The following BARD1 variants were observed in gnomAD, a reference collection of about 807,000 sequenced individuals.
The protein encoded by BARD1 is BRCA1-associated RING domain protein 1.
In BARD1, 73 loss-of-function variants were observed where a neutral mutation model predicts 77.0. The observed-to-expected ratio is 0.95, with a 90% CI of 0.79 to 1.15. BARD1 has a LOEUF of 1.15. BARD1 is among the 50% of genes most tolerant of loss of function. The pLI is 0.00. For missense variants in BARD1, 993 were observed against 938.8 expected (o/e 1.06, Z -0.75); for synonymous variants, 384 against 338.0 (o/e 1.14, Z -1.49).
chr2:214,789,042 AC>A (rs1400265677), intron 3 of BARD1, among the ~76,000 whole-genome samples: 1 of 152,160 alleles, frequency 6.6e-6, no homozygotes, highest in African/African-American at 2.4e-5. Context: ...AAAGCTCTAC[AC>A]CATGGAATTT....
intron 9 of BARD1, among the ~76,000 whole-genome samples, chr2:214,743,892 A>C (rs1692970115): frequency 6.6e-6 from 1 of 152,206 alleles, no homozygotes; most frequent in South Asian, 2.1e-4. Flanking sequence ...ACTTGTTTGC[A>C]TAATTTTATC....
At chr2:214,803,679 T>C (rs1696135488) in intron 1 of BARD1, among the ~76,000 whole-genome samples, 1 of 152,220 alleles carries the variant, frequency 6.6e-6, no homozygotes, top group Admixed American at 6.5e-5. Flanking sequence ...GAATGATCAA[T>C]AAATACTAAG....
rs1553615143 is a variant in BARD1, at chr2:214,745,797, A to C, written c.1735T>G (p.Ser579Ala). The C allele has an allele frequency of 3.7e-6, 6 of 1,613,908 alleles. No homozygotes were observed. In the African/African-American group the frequency reaches 8.0e-5, roughly 22 times the overall value. ...TCACTGAGCATTTTCTGTTGTTCTGAAGACAGCCCACTGCCTATAAGTACA... is the reference window on the plus strand; with the variant it reads ...TCACTGAGCATTTTCTGTTGTTCTGCAGACAGCCCACTGCCTATAAGTACA... ...PLVLIGSGLS[S>A]EQQKMLSELA... Residue 579 changes from serine (S) to alanine (A), a missense_variant, in exon 8 of 11, where the codon TCA (serine) becomes GCA (alanine). Coordinates refer to ENST00000260947, the MANE Select transcript of BARD1 (RefSeq NM_000465.4).
At chr2:214,805,432 T>C (rs1696224146) in intron 1 of BARD1, among the ~76,000 whole-genome samples, 1 of 152,192 alleles carries the variant, frequency 6.6e-6, no homozygotes, top group Admixed American at 6.5e-5. Context: ...CATTTGGGGA[T>C]CACTGCTCTG....
intron 1 of BARD1, among the ~76,000 whole-genome samples, chr2:214,802,491 T>C (rs1357059076): frequency 6.6e-6 from 1 of 152,184 alleles, no homozygotes; most frequent in East Asian, 1.9e-4. Flanking sequence ...TTCAGGAGCA[T>C]CTGTATTTTA....
At chr2:214,767,385 G>C in intron 6 of BARD1, 97 bp downstream of exon 6, 1 of 1,174,870 alleles carries the variant, frequency 8.5e-7, no homozygotes, top group South Asian at 1.3e-5. Flanking sequence ...AGTGAAGAAA[G>C]CCATCAACTT....
chr2:214,758,085 A>G (rs576824711), intron 6 of BARD1, among the ~76,000 whole-genome samples: 4 of 152,284 alleles, frequency 2.6e-5, no homozygotes, highest in East Asian at 1.9e-4. Flanking sequence ...CCCAAAGGCA[A>G]TAAGAAACCC....
chr2:214,806,778 G>A (rs1696291651), intron 1 of BARD1, among the ~76,000 whole-genome samples: 2 of 149,862 alleles, frequency 1.3e-5, no homozygotes, highest in African/African-American at 4.9e-5. Context: ...GGAGGCTGAG[G>A]CAAGAGAATT....
At chr2:214,763,935 G>C (rs1464154938) in intron 6 of BARD1, among the ~76,000 whole-genome samples, 1 of 152,164 alleles carries the variant, frequency 6.6e-6, no homozygotes, top group Non-Finnish European at 1.5e-5. Flanking sequence ...CTAGAAGACA[G>C]TCTCTAGAAC....
chr2:214,741,868 C>T (rs1346060312), intron 9 of BARD1, among the ~76,000 whole-genome samples: 2 of 152,088 alleles, frequency 1.3e-5, no homozygotes, highest in African/African-American at 2.4e-5. Context: ...TAAGACAGAA[C>T]ACTTCAACAG....
intron 6 of BARD1, among the ~76,000 whole-genome samples, chr2:214,764,818 TGAA>T (rs1694120781): frequency 1.3e-5 from 2 of 152,146 alleles, no homozygotes; most frequent in South Asian, 2.1e-4. Flanking sequence ...GCCAATCAGA[TGAA>T]CAACAATGAC....
At chr2:214,737,221 T>C (rs927856200) in intron 9 of BARD1, among the ~76,000 whole-genome samples, 2 of 152,122 alleles carry the variant, frequency 1.3e-5, no homozygotes, top group African/African-American at 4.8e-5. Context: ...TGCCTAAATA[T>C]ATAAAAATTA....
At position 214,797,057 on chromosome 2, in the gene BARD1, T is replaced by C. The variant is rs1236748799; in HGVS notation, c.215+4A>G. 2 of 1,606,916 alleles carry C rather than the reference T, an allele frequency of 1.2e-6. No homozygotes were observed. Among genetic ancestry groups the C allele is most frequent in the Non-Finnish European group, 1.7e-6 (2 of 1,173,592 alleles). On this transcript the variant is annotated splice_donor_region_variant and intron_variant, in intron 2 of 10. Coordinates refer to ENST00000260947, the MANE Select transcript of BARD1 (RefSeq NM_000465.4). ...ACTATATACATCAAACCGTAATTAC[T>C]TACCTACAGAAGATGTGCTCACATC...
chr2:214,769,446 TTAA>T lies in BARD1; in HGVS notation c.1315-137_1315-135del, dbSNP rs773133256. 1.5e-4 allele frequency: 109 copies of T among 749,702 alleles called. 1 individual carries two copies. Among genetic ancestry groups the T allele is most frequent in the South Asian group, 1.4e-3 (91 of 63,474 alleles). 46.4% of individuals were successfully genotyped at this position (749,702 alleles called of 1,614,324 possible). ...TTCTCTTAAGGCTACTGTTCATGAGTTAATAAATTATTAGGCCGGGTGTGGTGG... is the reference window on the plus strand; with the variant it reads ...TTCTCTTAAGGCTACTGTTCATGAGTTAAATTATTAGGCCGGGTGTGGTGG... On this transcript the variant is annotated intron_variant, in intron 4 of 10. Coordinates refer to ENST00000260947, the MANE Select transcript of BARD1 (RefSeq NM_000465.4).
At chr2:214,801,947 C>T (rs1445751526) in intron 1 of BARD1, among the ~76,000 whole-genome samples, 1 of 150,080 alleles carries the variant, frequency 6.7e-6, no homozygotes, top group South Asian at 2.2e-4. Context: ...GAGCTTTGAA[C>T]TCCTGAGCTG....
chr2:214,752,674 G>C, intron 6 of BARD1, 119 bp from the exon 7 acceptor site: 1 of 766,030 alleles, frequency 1.3e-6, no homozygotes, highest in Non-Finnish European at 2.2e-6. Flanking sequence ...CTCATATTAG[G>C]CAGAAGAATC....
intron 4 of BARD1, among the ~76,000 whole-genome samples, chr2:214,772,026 G>T (rs1260173533): frequency 2.6e-5 from 4 of 151,776 alleles, no homozygotes; most frequent in Admixed American, 1.3e-4. Flanking sequence ...GAGTGCAATG[G>T]CATGATCATA....
chr2:214,769,432 C>G, intron 4 of BARD1, 120 bp from the exon 5 acceptor site: 1 of 817,934 alleles, frequency 1.2e-6, no homozygotes, highest in South Asian at 1.5e-5. Context: ...TCTCTTAAGG[C>G]TACTGTTCAT....
chr2:214,750,188 C>T (rs1452816557), intron 7 of BARD1, among the ~76,000 whole-genome samples: 2 of 152,094 alleles, frequency 1.3e-5, no homozygotes, highest in African/African-American at 4.8e-5. Context: ...TTCTCTCCAT[C>T]CCCACATAAC....
Sources: gnomAD v4.1 joint callset for allele counts (sites outside exome capture counted in the v4.1 genomes callset) on GRCh38, gnomAD v4.1.1 for gene constraint, MANE v1.5 for transcripts, NCBI Gene and HGNC (gene_info 2026-07-23, HGNC 2026-07-21) for gene names.